The following ZCCHC7 variants were observed in gnomAD, a reference collection of about 807,000 sequenced individuals.
ZCCHC7 encodes the protein zinc finger CCHC-type containing 7.
Under a neutral mutation model 52.0 loss-of-function variants are expected in ZCCHC7, and 35 were observed. The ratio of observed to expected loss-of-function variants is 0.67; its 90% CI spans 0.51 to 0.89. The LOEUF (loss-of-function observed/expected upper bound fraction) is 0.89. ZCCHC7 is among the 40% of genes least tolerant of loss of function. The pLI, the probability that ZCCHC7 is intolerant of heterozygous loss-of-function variation, is 0.00. For synonymous variants in ZCCHC7, 217 were observed against 221.5 expected (o/e 0.98, Z 0.18); for missense variants, 574 against 649.1 (o/e 0.88, Z 1.26).
At position 37,126,682 on chromosome 9, in the gene ZCCHC7, A is replaced by G. The variant is rs766467880; in HGVS notation, c.350A>G (p.His117Arg). ...NVRVQAQENAHGLSSSLQSNE... is the reference protein window; with the variant it reads ...NVRVQAQENARGLSSSLQSNE... ...AGAGTTCAAGCACAAGAAAATGCCC[A>G]TGGTCTTTCTTCTTCTCTTCAATCT... Residue 117 changes from histidine (H) to arginine (R), a missense_variant, in exon 2 of 9, where the codon CAT becomes CGT. His to Arg is a conservative substitution (Grantham distance 29). Around this residue, in one of 3 missense-constraint regions of ZCCHC7, gnomAD observed 403 missense variants for 461.2 expected, o/e 0.87. Coordinates refer to ENST00000336755, the MANE Select transcript of ZCCHC7 (RefSeq NM_032226.3). 15 of 1,614,056 alleles carry G rather than the reference A, an allele frequency of 9.3e-6. No individual in the cohort carries two copies. Among genetic ancestry groups the G allele is most frequent in the Middle Eastern group, 1.6e-4 (1 of 6,084 alleles).
At chr9:37,258,756 T>G (rs1337664691) in intron 2 of ZCCHC7, among the ~76,000 whole-genome samples, 2 of 67,780 alleles carry the variant, frequency 3.0e-5, no homozygotes, top group African/African-American at 1.0e-4. Context: ...ATCCTGTCTC[T>G]TAAAAAAAAA....
intron 2 of ZCCHC7, among the ~76,000 whole-genome samples, chr9:37,153,192 A>G (rs1820626275): frequency 6.6e-6 from 1 of 151,668 alleles, no homozygotes; most frequent in Admixed American, 6.6e-5. Context: ...TGATTTAGAG[A>G]TGGAGTCTTG....
At chr9:37,298,811 A>T (rs1828904680) in intron 2 of ZCCHC7, among the ~76,000 whole-genome samples, 1 of 152,158 alleles carries the variant, frequency 6.6e-6, no homozygotes, top group Non-Finnish European at 1.5e-5. Flanking sequence ...TGCCTTCTGT[A>T]ACTTTTTTCC....
intron 6 of ZCCHC7, among the ~76,000 whole-genome samples, chr9:37,330,560 T>C (rs924310017): frequency 4.6e-5 from 7 of 151,810 alleles, no homozygotes; most frequent in East Asian, 1.9e-4. Context: ...GAAAAAAATA[T>C]TGTTTTTACT....
chr9:37,330,169 C>T (rs1393403280), intron 6 of ZCCHC7, among the ~76,000 whole-genome samples: 2 of 151,450 alleles, frequency 1.3e-5, no homozygotes, highest in Admixed American at 1.3e-4. Context: ...TTCTCAAACA[C>T]ATAAGAAAGG....
intron 3 of ZCCHC7, among the ~76,000 whole-genome samples, chr9:37,303,453 A>C (rs1016959308): frequency 5.9e-5 from 9 of 151,308 alleles, no homozygotes; most frequent in Non-Finnish European, 1.3e-4. Flanking sequence ...GAAAGAAAAG[A>C]AGTCAGCAGT....
rs527462470 is a variant in ZCCHC7, at chr9:37,340,547, G to A, written c.988-8810G>A. Among the ~76,000 whole-genome samples the A allele has an allele frequency of 5.9e-5, 9 of 152,166 alleles. No homozygotes were observed. In the East Asian group the frequency reaches 1.7e-3, roughly 29 times the overall value. ...TTCATTGCCTTGCATTTAACTTTTTGTCAGCAGTACAGGCACGTATGACAG... is the reference window on the plus strand; with the variant it reads ...TTCATTGCCTTGCATTTAACTTTTTATCAGCAGTACAGGCACGTATGACAG... On this transcript the variant is annotated intron_variant, in intron 6 of 8. Transcript: ENST00000336755.
chr9:37,155,049 C>T (rs1260296074), intron 2 of ZCCHC7, among the ~76,000 whole-genome samples: 1 of 152,078 alleles, frequency 6.6e-6, no homozygotes, highest in Admixed American at 6.5e-5. Flanking sequence ...TCTGGCTACA[C>T]TGGTTATTGG....
At chr9:37,148,281 A>C (rs1233931560) in intron 2 of ZCCHC7, among the ~76,000 whole-genome samples, 2 of 152,042 alleles carry the variant, frequency 1.3e-5, no homozygotes, top group African/African-American at 2.4e-5. Context: ...TCAGGTATAG[A>C]CCCTGACCCC....
chr9:37,238,278 A>T (rs1825738879), intron 2 of ZCCHC7, among the ~76,000 whole-genome samples: 1 of 152,168 alleles, frequency 6.6e-6, no homozygotes, highest in African/African-American at 2.4e-5. Context: ...TCTCCACCTC[A>T]TGCAAAGAGA....
chr9:37,265,963 T>C (rs919989947), intron 2 of ZCCHC7, among the ~76,000 whole-genome samples: 7 of 152,188 alleles, frequency 4.6e-5, no homozygotes, highest in Non-Finnish European at 8.8e-5. Context: ...ACCCATCTTC[T>C]CTTCCTTCAT....
At chr9:37,295,931 A>C (rs1828764345) in intron 2 of ZCCHC7, among the ~76,000 whole-genome samples, 1 of 152,190 alleles carries the variant, frequency 6.6e-6, no homozygotes, top group Non-Finnish European at 1.5e-5. Context: ...GGGGGACAAG[A>C]GATAGGAAAG....
At chr9:37,178,799 G>A (rs1312965956) in intron 2 of ZCCHC7, among the ~76,000 whole-genome samples, 1 of 152,140 alleles carries the variant, frequency 6.6e-6, no homozygotes, top group Non-Finnish European at 1.5e-5. Flanking sequence ...AATTTTGAAG[G>A]CATTTTAGAA....
intron 2 of ZCCHC7, among the ~76,000 whole-genome samples, chr9:37,170,646 A>G (rs1435512785): frequency 6.6e-6 from 1 of 152,182 alleles, no homozygotes; most frequent in Non-Finnish European, 1.5e-5. Context: ...GTTCAGATGC[A>G]TTTAATCCCT....
At chr9:37,197,994 A>G (rs541606854) in intron 2 of ZCCHC7, among the ~76,000 whole-genome samples, 4 of 152,338 alleles carry the variant, frequency 2.6e-5, no homozygotes, top group African/African-American at 7.2e-5. Context: ...GGAATTTCCC[A>G]TCTTATAAAA....
intron 2 of ZCCHC7, among the ~76,000 whole-genome samples, chr9:37,155,644 G>A (rs894610183): frequency 1.3e-5 from 2 of 152,184 alleles, no homozygotes; most frequent in African/African-American, 4.8e-5. Context: ...CTGAGAAATT[G>A]AATCTTACAG....
chr9:37,148,294 G>A (rs1843529902), intron 2 of ZCCHC7, among the ~76,000 whole-genome samples: 1 of 151,996 alleles, frequency 6.6e-6, no homozygotes, highest in South Asian at 2.1e-4. Flanking sequence ...CTGACCCCAC[G>A]GATCCTATGG....
At chr9:37,175,073 G>A (rs183664988) in intron 2 of ZCCHC7, among the ~76,000 whole-genome samples, 3 of 150,848 alleles carry the variant, frequency 2.0e-5, no homozygotes, top group East Asian at 3.9e-4. Flanking sequence ...GAGGTGGATC[G>A]TGCCACTGCA....
At chr9:37,193,852 G>A (rs1007503054) in intron 2 of ZCCHC7, among the ~76,000 whole-genome samples, 4 of 152,142 alleles carry the variant, frequency 2.6e-5, no homozygotes, top group Non-Finnish European at 4.4e-5. Context: ...CCTAATCAGT[G>A]CAAATCCATC....
Sources: allele counts gnomAD v4.1 joint callset (sites outside exome capture counted in the v4.1 genomes callset), GRCh38; gene constraint gnomAD v4.1.1; regional missense constraint gnomAD v4.1.1; transcripts MANE v1.5; gene names NCBI Gene and HGNC (gene_info 2026-07-23, HGNC 2026-07-21).